ELMO1: variants seen among roughly 807,000 people sequenced by gnomAD.
ELMO1 encodes engulfment and cell motility 1, also known as engulfment and cell motility protein 1.
ELMO1 carries 26 observed loss-of-function variants against 98.9 expected under a neutral mutation model. The ratio of observed to expected loss-of-function variants is 0.26; its 90% CI spans 0.19 to 0.36. The LOEUF is 0.36. ELMO1 is among the 10% of genes least tolerant of loss of function. ELMO1 has a pLI of 1.00. For missense variants in ELMO1, 627 were observed against 935.2 expected, an observed-to-expected ratio of 0.67 and a Z score of 4.30; for synonymous variants, 346 against 346.0, an observed-to-expected ratio of 1.00 and a Z score of 0.00.
At chr7:37,199,464 C>A (rs574653968) in intron 13 of ELMO1, among the ~76,000 whole-genome samples, 3 of 152,206 alleles carry the variant, frequency 2.0e-5, no homozygotes, top group African/African-American at 7.2e-5. Context: ...TGTCTCAAAA[C>A]AAAACAAAGT....
chr7:37,292,740 G>C (rs1797785552), intron 4 of ELMO1, among the ~76,000 whole-genome samples: 1 of 112,008 alleles, frequency 8.9e-6, no homozygotes, highest in Non-Finnish European at 2.1e-5. Flanking sequence ...GGGAGGTGGG[G>C]GGGTCAGCCC....
intron 8 of ELMO1, among the ~76,000 whole-genome samples, chr7:37,231,029 C>A (rs1445662416): frequency 6.6e-6 from 1 of 152,176 alleles, no homozygotes; most frequent in Non-Finnish European, 1.5e-5. Context: ...TCCTTTATGG[C>A]AATTCATACC....
In ELMO1 at chr7:37,244,717, G is replaced by A. The variant is rs142503043; in HGVS notation, c.414-326C>T. 4.7e-3 allele frequency among the ~76,000 whole-genome samples: 722 copies of A among 152,310 alleles called. 4 individuals carry two copies. The highest frequency in any genetic ancestry group is 0.017 in the African/African-American group (696 of 41,570). On this transcript the variant is annotated intron_variant, in intron 6 of 21. Transcript: ENST00000310758. ...GCGGGGTGGGGTACCCATAGGGATAGGAATTGATACATTTTAAATGAAAAA... is the reference window on the plus strand; with the variant it reads ...GCGGGGTGGGGTACCCATAGGGATAAGAATTGATACATTTTAAATGAAAAA...
intron 13 of ELMO1, among the ~76,000 whole-genome samples, chr7:37,156,606 C>G (rs1252152238): frequency 1.3e-5 from 2 of 152,138 alleles, no homozygotes; most frequent in African/African-American, 4.8e-5. Flanking sequence ...ATACACCCTC[C>G]CAAGACTAAA....
rs76218236 is a variant in ELMO1, at chr7:37,237,893, T to C, written c.450-4699A>G. Among the ~76,000 whole-genome samples, 1,192 of 152,328 alleles carry C rather than the reference T, an allele frequency of 7.8e-3. 14 individuals are homozygous for C. The highest frequency in any genetic ancestry group is 0.027 in the African/African-American group (1,128 of 41,568). On this transcript the variant is annotated intron_variant, in intron 7 of 21. Coordinates refer to ENST00000310758, the MANE Select transcript of ELMO1 (RefSeq NM_014800.11). ...TGATTCTGGACTCTATTCTACTACATTGATCTGTTTATCTACCCCCTTATA... is the reference window on the plus strand; with the variant it reads ...TGATTCTGGACTCTATTCTACTACACTGATCTGTTTATCTACCCCCTTATA...
chr7:37,200,652 C>G (rs920345031), intron 13 of ELMO1, among the ~76,000 whole-genome samples: 1 of 152,122 alleles, frequency 6.6e-6, no homozygotes, highest in Non-Finnish European at 1.5e-5. Flanking sequence ...CACCCACTTT[C>G]GCTTCTCTTC....
chr7:36,865,275 A>G (rs1802949309), intron 20 of ELMO1, among the ~76,000 whole-genome samples: 2 of 152,248 alleles, frequency 1.3e-5, no homozygotes, highest in Non-Finnish European at 2.9e-5. Flanking sequence ...GACACAGGAT[A>G]TAACTCGGCA....
intron 4 of ELMO1, 78 bp downstream of exon 4, chr7:37,314,772 G>A: frequency 7.2e-7 from 1 of 1,389,262 alleles, no homozygotes; most frequent in Non-Finnish European, 1.0e-6. Flanking sequence ...TGCATGTCTA[G>A]GCCCGAACAA....
chr7:37,159,021 G>T (rs574589919), intron 13 of ELMO1, among the ~76,000 whole-genome samples: 1 of 152,260 alleles, frequency 6.6e-6, no homozygotes, highest in African/African-American at 2.4e-5. Flanking sequence ...GATGAAGCTG[G>T]AAACCATCAT....
In ELMO1 at chr7:37,314,898, A is replaced by G; in HGVS notation, c.144T>C (p.Tyr48=). 1.2e-6 allele frequency: 2 copies of G among 1,613,850 alleles called. No individual in the cohort carries two copies. The highest frequency in any genetic ancestry group is 1.7e-6 in the Non-Finnish European group (2 of 1,179,932). ...CDGWSLANHE[Y]FALQHADSSN... is the part of the protein sequence containing the mutation. ...AACTATCGGCATGCTGGAGTGCAAA[A>G]TATTCATGGTTGGCAAGAGACCACC... Residue 48 remains tyrosine (Y), a synonymous_variant, in exon 4 of 22, where the codon TAT becomes TAC. Transcript: ENST00000310758.
chr7:37,360,377 G>A (rs1307503037), intron 1 of ELMO1, among the ~76,000 whole-genome samples: 1 of 150,568 alleles, frequency 6.6e-6, no homozygotes, highest in African/African-American at 2.4e-5. Context: ...AGTTCACTGG[G>A]AAGTAACACG....
intron 19 of ELMO1, among the ~76,000 whole-genome samples, chr7:36,876,406 T>G (rs1420350927): frequency 6.6e-6 from 1 of 152,094 alleles, no homozygotes; most frequent in Non-Finnish European, 1.5e-5. Flanking sequence ...CCTTTTTTTT[T>G]TTTGGCCCAA....
chr7:37,324,525 T>A (rs909770239), intron 2 of ELMO1, among the ~76,000 whole-genome samples: 1 of 152,218 alleles, frequency 6.6e-6, no homozygotes, highest in African/African-American at 2.4e-5. Context: ...AATGATGAAT[T>A]TTTATTGACT....
intron 1 of ELMO1, among the ~76,000 whole-genome samples, chr7:37,360,033 C>T (rs1398177405): frequency 1.3e-5 from 2 of 152,102 alleles, no homozygotes; most frequent in Non-Finnish European, 2.9e-5. Flanking sequence ...ACCCCTGGCT[C>T]GGATCATAAT....
chr7:37,103,654 G>A (rs1390691490), intron 14 of ELMO1, among the ~76,000 whole-genome samples: 1 of 151,828 alleles, frequency 6.6e-6, no homozygotes, highest in Non-Finnish European at 1.5e-5. Context: ...TTGTGCACAT[G>A]TACCCTAAGA....
At chr7:36,864,325 T>C (rs756249840) in intron 20 of ELMO1, among the ~76,000 whole-genome samples, 1 of 152,126 alleles carries the variant, frequency 6.6e-6, no homozygotes, top group Non-Finnish European at 1.5e-5. Context: ...CTATGACATA[T>C]ACCACTCACG....
chr7:37,404,466 C>T (rs1803668498), intron 1 of ELMO1, among the ~76,000 whole-genome samples: 1 of 152,208 alleles, frequency 6.6e-6, no homozygotes, highest in South Asian at 2.1e-4. Flanking sequence ...TATTTTTAAC[C>T]TTTGATATTG....
intron 15 of ELMO1, among the ~76,000 whole-genome samples, chr7:37,076,013 A>G (rs1797558322): frequency 6.6e-6 from 1 of 152,238 alleles, no homozygotes; most frequent in African/African-American, 2.4e-5. Context: ...TGTGACCTAC[A>G]GTATGAAACA....
intron 15 of ELMO1, among the ~76,000 whole-genome samples, chr7:37,027,565 G>A (rs1794650529): frequency 6.6e-6 from 1 of 152,156 alleles, no homozygotes; most frequent in African/African-American, 2.4e-5. Flanking sequence ...TGTGAGATTC[G>A]AAAGGATAGA....
Sources: gnomAD v4.1 joint callset for allele counts (sites outside exome capture counted in the v4.1 genomes callset) on GRCh38, gnomAD v4.1.1 for gene constraint, MANE v1.5 for transcripts, NCBI Gene and HGNC (gene_info 2026-07-23, HGNC 2026-07-21) for gene names.